The following SV2C variants were observed in gnomAD, a reference collection of about 807,000 sequenced individuals.
The protein encoded by SV2C is solute carrier family 22 member B3.
In SV2C, 49 loss-of-function variants were observed where a neutral mutation model predicts 79.7. The ratio of observed to expected loss-of-function variants is 0.61; its 90% CI spans 0.49 to 0.78. The LOEUF (loss-of-function observed/expected upper bound fraction) is 0.78. SV2C is among the 30% of genes least tolerant of loss of function. The pLI, the probability that SV2C is intolerant of heterozygous loss-of-function variation, is 0.00. For missense variants in SV2C, 833 were observed against 912.9 expected, an observed-to-expected ratio of 0.91 and a Z score of 1.13; for synonymous variants, 334 against 333.2, an observed-to-expected ratio of 1.00 and a Z score of -0.03.
At chr5:76,259,938 G>C (rs10942763) in intron 4 of SV2C, among the ~76,000 whole-genome samples, 1 of 151,990 alleles carries the variant, frequency 6.6e-6, no homozygotes, top group Non-Finnish European at 1.5e-5. Context: ...GTTGAATGAT[G>C]TATAATCCTT....
At chr5:76,335,187 G>A (rs369800301), downstream of SV2C, among the ~76,000 whole-genome samples, 46 of 152,166 alleles carry the variant, frequency 3.0e-4, no homozygotes, top group Middle Eastern at 3.4e-3. Flanking sequence ...TACTAGTTGT[G>A]CATTCACACC....
At chr5:76,108,544 G>A (rs924390577) in intron 1 of SV2C, among the ~76,000 whole-genome samples, 1 of 151,424 alleles carries the variant, frequency 6.6e-6, no homozygotes, top group Non-Finnish European at 1.5e-5. Context: ...AAGCACAGGT[G>A]TTCTTAAAAT....
At chr5:75,865,156 G>A in the SV2C span, among the ~76,000 whole-genome samples, 2 of 152,222 alleles carry the variant, frequency 1.3e-5, no homozygotes, top group African/African-American at 4.8e-5. Context: ...ATGGGACACT[G>A]AGTGACCACA....
At chr5:76,126,313 A>C (rs1580287078) in intron 1 of SV2C, among the ~76,000 whole-genome samples, 1 of 152,332 alleles carries the variant, frequency 6.6e-6, no homozygotes, top group South Asian at 2.1e-4. Flanking sequence ...TTAAAGAATG[A>C]GAATGTAGGC....
rs2270927 is a variant in SV2C, at chr5:76,295,885, C to T, written c.1445C>T (p.Thr482Ile). 2.5e-6 allele frequency: 4 copies of T among 1,612,754 alleles called. No homozygotes were observed. The East Asian group carries it at 8.9e-5, about 36-fold the overall frequency. The change falls in exon 9 of 13, where the codon ACT (threonine) becomes ATT (isoleucine). Residue 482 changes from threonine (T) to isoleucine (I), a missense_variant. Coordinates refer to ENST00000502798, the MANE Select transcript of SV2C (RefSeq NM_014979.4). ...NVERDKYANF[T>I]INFTMENQIH... Reference sequence around the variant, plus strand: ...GAGAGAGATAAATATGCAAATTTCACTATTAACTTTACAATGGAAAATCAG... The same window carrying T: ...GAGAGAGATAAATATGCAAATTTCATTATTAACTTTACAATGGAAAATCAG...
chr5:76,273,683 C>G (rs775022647), intron 4 of SV2C, among the ~76,000 whole-genome samples: 1 of 152,126 alleles, frequency 6.6e-6, no homozygotes, highest in Admixed American at 6.5e-5. Flanking sequence ...TAGAAAAACT[C>G]GCAGGAAAGG....
chr5:75,862,098 A>T, the SV2C span, among the ~76,000 whole-genome samples: 1 of 152,214 alleles, frequency 6.6e-6, no homozygotes, highest in Non-Finnish European at 1.5e-5. Flanking sequence ...AAGCAACATG[A>T]TCATTTCCCA....
At chr5:76,283,667 A>G (rs1395867144) in intron 4 of SV2C, among the ~76,000 whole-genome samples, 1 of 152,266 alleles carries the variant, frequency 6.6e-6, no homozygotes, top group Non-Finnish European at 1.5e-5. Context: ...CCTACAGTTT[A>G]TGATATAATT....
At chr5:76,068,466 G>C in the SV2C span, among the ~76,000 whole-genome samples, 1 of 151,876 alleles carries the variant, frequency 6.6e-6, no homozygotes, top group Non-Finnish European at 1.5e-5. Context: ...CAGGATTTTT[G>C]CATCTTCGTC....
chr5:75,852,338 C>T, the SV2C span, among the ~76,000 whole-genome samples: 1 of 151,934 alleles, frequency 6.6e-6, no homozygotes, highest in Non-Finnish European at 1.5e-5. Flanking sequence ...TCAATTTACC[C>T]CAAGTTAAAT....
chr5:75,877,610 A>G, the SV2C span, among the ~76,000 whole-genome samples: 1 of 149,302 alleles, frequency 6.7e-6, no homozygotes, highest in East Asian at 1.9e-4. Context: ...AAAAAAAAAA[A>G]AATCAAATTG....
At chr5:75,944,969 A>C in the SV2C span, among the ~76,000 whole-genome samples, 2 of 152,120 alleles carry the variant, frequency 1.3e-5, no homozygotes, top group Non-Finnish European at 2.9e-5. Flanking sequence ...GGAGAATCAA[A>C]ACATCTGACC....
chr5:76,105,730 T>A (rs1238724884), intron 1 of SV2C, among the ~76,000 whole-genome samples: 2 of 152,168 alleles, frequency 1.3e-5, no homozygotes, highest in Admixed American at 6.5e-5. Context: ...GATGCTGACA[T>A]ATACACACCC....
intron 5 of SV2C, chr5:76,285,557 G>C (rs536334346): frequency 3.2e-6 from 2 of 619,090 alleles, no homozygotes; most frequent in African/African-American, 3.7e-5. Context: ...GTTTTATAGC[G>C]AAATTTTACC....
chr5:75,980,408 C>CA, the SV2C span, among the ~76,000 whole-genome samples: 1 of 151,938 alleles, frequency 6.6e-6, no homozygotes. Flanking sequence ...AGAGATACAA[C>CA]AAAAAAAGAA....
the SV2C span, among the ~76,000 whole-genome samples, chr5:75,945,582 G>A: frequency 2.0e-5 from 3 of 151,934 alleles, no homozygotes; most frequent in African/African-American, 4.8e-5. Context: ...GCCTCCCAAA[G>A]TGCTGGGATT....
rs76233855 is a variant in SV2C at position 76,280,180 on chromosome 5, T to G, written c.914-4982T>G. On this transcript the variant is annotated intron_variant, in intron 4 of 12. Coordinates refer to ENST00000502798, the MANE Select transcript of SV2C (RefSeq NM_014979.4). The stretch of plus-strand genomic sequence containing the variant: ...TTGGATACTGGGGAAAAAAAGCATA[T>G]TACAAACAAATGGAGAGAGAAATGA... Among the ~76,000 whole-genome samples the G allele has an allele frequency of 8.9e-3, 1,348 of 151,990 alleles. 20 individuals carry two copies. Among genetic ancestry groups the G allele is most frequent in the African/African-American group, 0.031 (1,273 of 41,418 alleles).
At chr5:75,969,447 C>T in the SV2C span, among the ~76,000 whole-genome samples, 1 of 152,172 alleles carries the variant, frequency 6.6e-6, no homozygotes, top group East Asian at 1.9e-4. Context: ...TGCAGAGACA[C>T]ACATAGGCTC....
intron 3 of SV2C, among the ~76,000 whole-genome samples, chr5:76,203,837 A>C (rs752898982): frequency 1.9e-4 from 29 of 152,244 alleles, no homozygotes; most frequent in Non-Finnish European, 2.6e-4. Context: ...GTGGCTTTGG[A>C]AATTGAAGAC....
Sources: allele counts gnomAD v4.1 joint callset (sites outside exome capture counted in the v4.1 genomes callset), GRCh38; gene constraint gnomAD v4.1.1; transcripts MANE v1.5; gene names NCBI Gene and HGNC (gene_info 2026-07-23, HGNC 2026-07-21).